Variants in USP11 observed in about 807,000 individuals in gnomAD.
USP11 encodes the protein ubiquitin specific peptidase 11.
A neutral mutation model predicts 72.8 loss-of-function variants in USP11; 5 were observed. The observed-to-expected ratio is 0.07, with a 90% confidence interval of 0.04 to 0.14. USP11 has a LOEUF of 0.14. Ranked by LOEUF, USP11 falls within the 10% of genes least tolerant of loss-of-function variation. The pLI, the probability that USP11 is intolerant of heterozygous loss-of-function variation, is 1.00. For missense variants in USP11, 480 were observed against 794.7 expected (o/e 0.60, Z 4.76); for synonymous variants, 368 against 326.5 (o/e 1.13, Z -1.37).
At chrX:47,237,323 G>T (rs2055376746) in intron 1 of USP11, among the ~76,000 whole-genome samples, 1 of 110,912 alleles carries the variant, frequency 9.0e-6, no homozygotes, top group Non-Finnish European at 1.9e-5. Context: ...TGGTGTGAGT[G>T]ATATGGGGCA....
At chrX:47,246,750 G>A (rs753906518) in intron 17 of USP11, among the ~76,000 whole-genome samples, 25 of 111,119 alleles carry the variant, frequency 2.2e-4, no homozygotes, top group East Asian at 1.1e-3. Flanking sequence ...GCTGGGCATT[G>A]TGGCTCATGC....
At chrX:47,247,020 CAA>C (rs375265625) in intron 17 of USP11, 50 bp from the exon 18 acceptor site, 1,761 of 940,117 alleles carry the variant, frequency 1.9e-3, no homozygotes, top group Admixed American at 7.1e-3. Flanking sequence ...TTCTCTGTCT[CAA>C]AAAAAAAAAA....
rs770150773 is a variant in USP11, at chrX:47,245,498, G to A, written c.2270+16G>A. On this transcript the variant is annotated intron_variant, in intron 17 of 20. Coordinates refer to ENST00000377107, the MANE Select transcript of USP11 (RefSeq NM_001371072.1). ...AAAACCCCTGGTGAGGGGCCAGAGC[G>A]GGGCCTGTGTGTGGGGGTTTCATTG... 471 of 1,122,375 alleles carry A rather than the reference G, an allele frequency of 4.2e-4. 2 individuals are homozygous for A. In the South Asian group the frequency reaches 7.8e-3, roughly 19 times the overall value. 92.5% of individuals were successfully genotyped at this position (1,122,375 alleles called of 1,213,427 possible).
intron 17 of USP11, 142 bp from the exon 18 acceptor site, chrX:47,246,930 A>G: frequency 2.7e-6 from 2 of 750,828 alleles, no homozygotes; most frequent in South Asian, 5.8e-5. Context: ...CTGAGGCAGG[A>G]GAATCGCTTG....
intron 1 of USP11, 121 bp from the exon 2 acceptor site, chrX:47,238,949 T>C: frequency 2.2e-6 from 1 of 464,031 alleles, no homozygotes; most frequent in South Asian, 4.7e-5. Context: ...TTTTATATGA[T>C]GCTGAAACTT....
chrX:47,242,748 G>T (rs765946210), intron 12 of USP11, 28 bp downstream of exon 12: 3 of 1,110,987 alleles, frequency 2.7e-6, no homozygotes, highest in Non-Finnish European at 3.7e-6. Flanking sequence ...GGAGGTGGTG[G>T]TTCCTCAGGA....
intron 1 of USP11, among the ~76,000 whole-genome samples, chrX:47,237,438 C>T (rs1296293524): frequency 9.0e-6 from 1 of 111,174 alleles, no homozygotes; most frequent in African/African-American, 3.3e-5. Context: ...TTGTCTGTCC[C>T]TCCATCCTCC....
At chrX:47,247,044 C>T (rs753997508) in intron 17 of USP11, 28 bp from the exon 18 acceptor site, 57 of 1,172,739 alleles carry the variant, frequency 4.9e-5, no homozygotes, top group Admixed American at 1.6e-4. Flanking sequence ...AGAAAAAGTC[C>T]GTTTGCTGAC....
chrX:47,239,762 C>G (rs1242217758), intron 3 of USP11, 28 bp from the exon 4 acceptor site: 13 of 1,186,281 alleles, frequency 1.1e-5, no homozygotes, highest in Non-Finnish European at 1.5e-5. Flanking sequence ...GTGAGTACAC[C>G]TGTGTCTGCA....
In USP11 at chrX:47,240,340, G is replaced by T; in HGVS notation, c.571G>T (p.Val191Leu). 1 of 1,211,768 alleles carries T rather than the reference G, an allele frequency of 8.3e-7. No individual in the cohort carries two copies. The highest frequency in any genetic ancestry group is 1.8e-5 in the South Asian group (1 of 56,936). ...GCGCACAGCTCGGGAGCGGTTTCTGGTGGAGCCCCAGGAAGACACTCGGCT... is the reference window on the plus strand; with the variant it reads ...GCGCACAGCTCGGGAGCGGTTTCTGTTGGAGCCCCAGGAAGACACTCGGCT... The part of the protein sequence containing the change: ...VLRTARERFL[V>L]EPQEDTRLWA... The change falls in exon 5 of 21, where the codon GTG becomes TTG. Residue 191 changes from valine to leucine, a missense_variant. Coordinates refer to ENST00000377107, the MANE Select transcript of USP11 (RefSeq NM_001371072.1).
chrX:47,240,258 T>A (rs768743668), intron 4 of USP11, 47 bp from the exon 5 acceptor site: 1 of 1,195,823 alleles, frequency 8.4e-7, no homozygotes. Context: ...GGATTGATCA[T>A]TTTGGGTCTC....
chrX:47,238,050 C>G (rs1340673418), intron 1 of USP11, among the ~76,000 whole-genome samples: 2 of 111,345 alleles, frequency 1.8e-5, no homozygotes, highest in African/African-American at 3.3e-5. Context: ...GAACTGTATA[C>G]TGAAAAATGC....
chrX:47,234,139 C>G (rs1488513053), intron 1 of USP11, among the ~76,000 whole-genome samples: 1 of 111,539 alleles, frequency 9.0e-6, no homozygotes, highest in Non-Finnish European at 1.9e-5. Flanking sequence ...ATACGTAAGA[C>G]TTAAAAAGAT....
In USP11 at chrX:47,240,391, T is replaced by C. The variant is rs2055395995; in HGVS notation, c.622T>C (p.Leu208=). 2.5e-6 allele frequency: 3 copies of C among 1,211,548 alleles called. No individual in the cohort carries two copies. Among genetic ancestry groups the C allele is most frequent in the South Asian group, 1.8e-5 (1 of 56,959 alleles). The change falls in exon 5 of 21, where the codon TTG becomes CTG. Residue 208 remains leucine (L), a synonymous_variant. Transcript: ENST00000377107. ...RLWAKNSEGS[L]DRLYDTHITV... is the part of the protein sequence containing the mutation. ...TTGGGCCAAGAACTCAGAAGGCTCT[T>C]TGGATAGGTTGTATGACACACACAT...
intron 17 of USP11, 144 bp downstream of exon 17, chrX:47,245,626 C>T: frequency 4.9e-6 from 2 of 407,175 alleles, no homozygotes; most frequent in Non-Finnish European, 8.4e-6. Context: ...CTCAGTGCAA[C>T]CTCTGCCTCC....
In USP11 at chrX:47,247,867, T is replaced by C. The variant is rs1450340674; in HGVS notation, c.2700T>C (p.Ser900=). 1.7e-6 allele frequency: 2 copies of C among 1,206,451 alleles called. No homozygotes were observed. The highest frequency in any genetic ancestry group is 2.2e-5 in the Admixed American group (1 of 44,995). The change falls in exon 21 of 21, where the codon TCT becomes TCC. Residue 900 remains serine, a synonymous_variant. Transcript: ENST00000377107. ...ARRLLSPAGS[S]GAPASPACSS... The stretch of plus-strand genomic sequence containing the variant: ...GCCTGCTGTCCCCGGCCGGCTCATC[T>C]GGCGCCCCAGCCTCCCCTGCCTGCA...
intron 17 of USP11, among the ~76,000 whole-genome samples, chrX:47,246,776 C>T (rs2055435531): frequency 9.0e-6 from 1 of 110,806 alleles, no homozygotes. Flanking sequence ...ATCCGAGTAC[C>T]TTGGGAGGCC....
rs1049090890 is a variant in USP11 at position 47,247,851 on chromosome X, C to A, written c.2684C>A (p.Ser895Tyr). The A allele has an allele frequency of 8.3e-6, 10 of 1,204,757 alleles. No homozygotes were observed. Among genetic ancestry groups the A allele is most frequent in the Admixed American group, 2.2e-5 (1 of 44,706 alleles). The change falls in exon 21 of 21, where the codon TCC becomes TAC. Residue 895 changes from serine (S) to tyrosine (Y), a missense_variant. Ser to Tyr is a moderately radical substitution (Grantham distance 144). This residue lies in a region of USP11 where 314 missense variants were observed against 556.0 expected (regional missense o/e 0.56). Coordinates refer to ENST00000377107, the MANE Select transcript of USP11 (RefSeq NM_001371072.1). ...CAGGACGTGGCGCGACGCCTGCTGT[C>A]CCCGGCCGGCTCATCTGGCGCCCCA... ...QRQDVARRLL[S>Y]PAGSSGAPAS...
intron 1 of USP11, 40 bp downstream of exon 1, chrX:47,233,259 G>GT (rs746352899): frequency 5.3e-6 from 6 of 1,126,548 alleles, no homozygotes; most frequent in Non-Finnish European, 7.1e-6. Flanking sequence ...AGAGGGAACG[G>GT]TGGGGGCATT....
Sources: allele counts gnomAD v4.1 joint callset (sites outside exome capture counted in the v4.1 genomes callset), GRCh38; gene constraint gnomAD v4.1.1; regional missense constraint gnomAD v4.1.1; transcripts MANE v1.5; gene names NCBI Gene and HGNC (gene_info 2026-07-23, HGNC 2026-07-21).